IDE: variants seen among roughly 807,000 people sequenced by gnomAD.
The protein encoded by IDE is insulin-degrading enzyme.
In IDE, 58 loss-of-function variants were observed where a neutral mutation model predicts 133.2. The observed-to-expected ratio is 0.44, with a 90% confidence interval of 0.35 to 0.54. IDE has a LOEUF of 0.54. Ranked by LOEUF, IDE falls within the 20% of genes least tolerant of loss-of-function variation. The pLI, the probability that IDE is intolerant of heterozygous loss-of-function variation, is 0.00. For missense variants in IDE, 981 were observed against 1,234.0 expected (o/e 0.79, Z 3.07); for synonymous variants, 396 against 421.3 (o/e 0.94, Z 0.73).
chr10:92,550,564 T>G (rs1842731363), intron 1 of IDE, among the ~76,000 whole-genome samples: 1 of 146,374 alleles, frequency 6.8e-6, no homozygotes, highest in Admixed American at 7.2e-5. Context: ...GACAGGAGAA[T>G]GGTGTGAACC....
At chr10:92,557,254 G>C (rs1843055388) in intron 1 of IDE, among the ~76,000 whole-genome samples, 1 of 151,970 alleles carries the variant, frequency 6.6e-6, no homozygotes, top group South Asian at 2.1e-4. Flanking sequence ...ACAGATTAAT[G>C]GGCCAGGCAC....
chr10:92,464,400 T>C (rs1845559312), intron 20 of IDE, among the ~76,000 whole-genome samples: 1 of 152,214 alleles, frequency 6.6e-6, no homozygotes, highest in Non-Finnish European at 1.5e-5. Flanking sequence ...AAGTTCCGCA[T>C]ATGAACACGG....
Position 92,482,161 on chromosome 10 carries a change from T to C in IDE, c.1739+1094A>G, listed in dbSNP as rs983278167. Among the ~76,000 whole-genome samples, 10 of 152,180 alleles carry C rather than the reference T, an allele frequency of 6.6e-5. No homozygotes were observed. In the East Asian group the frequency reaches 1.7e-3, roughly 26 times the overall value. On this transcript the variant is annotated intron_variant, in intron 14 of 24. Coordinates refer to ENST00000265986, the MANE Select transcript of IDE (RefSeq NM_004969.4). ...CCAAAGCATTTAAACCTTATCTACC[T>C]CTAATTTCATGTCAAGCCAACTGAA...
intron 1 of IDE, among the ~76,000 whole-genome samples, chr10:92,560,914 C>A (rs1365225528): frequency 1.3e-5 from 2 of 152,156 alleles, no homozygotes. Flanking sequence ...CACCTTCACT[C>A]CATCCTCACC....
chr10:92,521,204 G>A lies in IDE; in HGVS notation c.662-6162C>T, dbSNP rs926627230. On this transcript the variant is annotated intron_variant, in intron 4 of 24. Transcript: ENST00000265986. ...GAAAAACCAAAATTAGGGAGGTGAT[G>A]CACTGAGAATCAATATTTGCAACAT... Among the ~76,000 whole-genome samples, 34 of 152,130 alleles carry A rather than the reference G, an allele frequency of 2.2e-4. 1 individual carries two copies.
chr10:92,573,055 C>G, intron 1 of IDE: 1 of 985,398 alleles, frequency 1.0e-6, no homozygotes, highest in Non-Finnish European at 1.2e-6. Context: ...TGATTAAAAC[C>G]AGCAGGGGTT....
chr10:92,467,534 T>G (rs1564597300), intron 19 of IDE, among the ~76,000 whole-genome samples: 2 of 152,050 alleles, frequency 1.3e-5, no homozygotes, highest in African/African-American at 2.4e-5. Flanking sequence ...CATGGAGAAA[T>G]TTGGGAGGGT....
intron 11 of IDE, 93 bp downstream of exon 11, chr10:92,504,701 T>C: frequency 1.4e-6 from 1 of 711,066 alleles, no homozygotes; most frequent in Non-Finnish European, 2.5e-6. Flanking sequence ...ATAAAATGTT[T>C]AAAAGCATTT....
chr10:92,552,660 A>G (rs1038368854), intron 1 of IDE, among the ~76,000 whole-genome samples: 5 of 151,748 alleles, frequency 3.3e-5, no homozygotes, highest in African/African-American at 1.2e-4. Context: ...GGAGTTTGAG[A>G]CCAGTGTGGC....
At chr10:92,573,778 G>A (rs1308887033) in intron 1 of IDE, 144 bp downstream of exon 1, 9 of 593,378 alleles carry the variant, frequency 1.5e-5, no homozygotes, top group Middle Eastern at 4.0e-4. Flanking sequence ...CCTCAGCGCG[G>A]CAGTACGGGC....
intron 1 of IDE, among the ~76,000 whole-genome samples, chr10:92,546,049 T>C (rs1842521359): frequency 6.6e-6 from 1 of 152,154 alleles, no homozygotes; most frequent in Admixed American, 6.6e-5. Context: ...ATGCACACAA[T>C]GGAAAGTATA....
intron 14 of IDE, among the ~76,000 whole-genome samples, chr10:92,481,458 A>T (rs1458478305): frequency 6.6e-6 from 1 of 152,228 alleles, no homozygotes; most frequent in Non-Finnish European, 1.5e-5. Flanking sequence ...AAACAGCTGT[A>T]TCCACAGCAG....
At chr10:92,508,559 G>GAAAAAAAAAAAA (rs5787000) in intron 7 of IDE, among the ~76,000 whole-genome samples, 169 bp downstream of exon 7, 1 of 130,604 alleles carries the variant, frequency 7.7e-6, no homozygotes. Context: ...ATCTAAAAAA[G>GAAAAAAAAAAAA]AAAAAAAAAA....
chr10:92,517,936 A>C (rs942115520), intron 4 of IDE, among the ~76,000 whole-genome samples: 3 of 152,090 alleles, frequency 2.0e-5, no homozygotes, highest in African/African-American at 7.2e-5. Context: ...AGATAAATAA[A>C]ATAATATAAA....
chr10:92,519,186 C>T (rs941306595), intron 4 of IDE, among the ~76,000 whole-genome samples: 1 of 152,090 alleles, frequency 6.6e-6, no homozygotes, highest in Non-Finnish European at 1.5e-5. Flanking sequence ...ATGTACTCCC[C>T]AGAGAAAAAA....
chr10:92,569,816 T>A (rs913301715), intron 1 of IDE, among the ~76,000 whole-genome samples: 3 of 152,182 alleles, frequency 2.0e-5, no homozygotes, highest in African/African-American at 7.2e-5. Context: ...TGAGTCCTAC[T>A]TTAAAAAGTT....
At chr10:92,565,421 AAAAAG>A (rs1843490027) in intron 1 of IDE, among the ~76,000 whole-genome samples, 1 of 151,488 alleles carries the variant, frequency 6.6e-6, no homozygotes, top group African/African-American at 2.4e-5. Context: ...AAAAAAAAAA[AAAAAG>A]AAAAGAAAGA....
chr10:92,565,387 G>C (rs12411517), intron 1 of IDE, among the ~76,000 whole-genome samples: 12,341 of 147,068 alleles, frequency 0.084, 645 homozygotes, highest in South Asian at 0.17. Flanking sequence ...TCCAGCCTGG[G>C]CAACACAGCG....
intron 4 of IDE, among the ~76,000 whole-genome samples, chr10:92,525,341 C>T (rs1357776774): frequency 6.6e-6 from 1 of 152,208 alleles, no homozygotes; most frequent in East Asian, 1.9e-4. Flanking sequence ...TAAAATTCAA[C>T]ATCACTTCAT....
Sources: gnomAD v4.1 joint callset for allele counts (sites outside exome capture counted in the v4.1 genomes callset) on GRCh38, gnomAD v4.1.1 for gene constraint, MANE v1.5 for transcripts, NCBI Gene and HGNC (gene_info 2026-07-23, HGNC 2026-07-21) for gene names.